The following ANKH variants were observed in gnomAD, a reference collection of about 807,000 sequenced individuals.
ANKH encodes ANKH inorganic pyrophosphate transport regulator.
In ANKH, 15 loss-of-function variants were observed where a neutral mutation model predicts 49.0. The observed-to-expected ratio is 0.31, with a 90% CI of 0.20 to 0.47. ANKH has a LOEUF of 0.47. Among genes scored for constraint, ANKH ranks in the 20% least tolerant of loss-of-function variants. The probability of loss-of-function intolerance (pLI) is 1.00; values close to 1 mark genes in which losing one functional copy is unlikely to be tolerated. For synonymous variants in ANKH, 273 were observed against 260.0 expected (o/e 1.05, Z -0.48); for missense variants, 429 against 652.0 (o/e 0.66, Z 3.72).
chr5:14,837,287 C>T (rs1359868044), intron 1 of ANKH, among the ~76,000 whole-genome samples: 2 of 152,118 alleles, frequency 1.3e-5, no homozygotes, highest in South Asian at 2.1e-4. Flanking sequence ...TCTAATTAAA[C>T]TAAAGAGCTT....
At chr5:14,816,823 T>C (rs988800600) in intron 1 of ANKH, among the ~76,000 whole-genome samples, 2 of 152,100 alleles carry the variant, frequency 1.3e-5, no homozygotes, top group Admixed American at 6.5e-5. Flanking sequence ...ATGAACACGA[T>C]GGCAAACAAA....
chr5:14,774,581 G>C (rs1279907087), intron 1 of ANKH, among the ~76,000 whole-genome samples: 7 of 152,086 alleles, frequency 4.6e-5, no homozygotes. Flanking sequence ...AGGATTACAG[G>C]CACCCACCAC....
chr5:14,774,439 T>C (rs771551494), intron 1 of ANKH, among the ~76,000 whole-genome samples: 1 of 152,100 alleles, frequency 6.6e-6, no homozygotes, highest in Non-Finnish European at 1.5e-5. Context: ...TTCATTATTA[T>C]TATTATTTTT....
At chr5:14,741,687 G>T (rs1738361108) in intron 8 of ANKH, 140 bp downstream of exon 8, 1 of 691,038 alleles carries the variant, frequency 1.4e-6, no homozygotes, top group South Asian at 1.7e-5. Flanking sequence ...ATTTGAAGAA[G>T]AAAGTGTATT....
chr5:14,858,514 G>A (rs1183134411), intron 1 of ANKH, among the ~76,000 whole-genome samples: 4 of 152,104 alleles, frequency 2.6e-5, no homozygotes, highest in South Asian at 2.1e-4. Flanking sequence ...TCAGGAGTTT[G>A]AGATAAGCCT....
chr5:14,845,615 T>C (rs187169954), intron 1 of ANKH, among the ~76,000 whole-genome samples: 1 of 152,138 alleles, frequency 6.6e-6, no homozygotes, highest in South Asian at 2.1e-4. Flanking sequence ...AGAAGAAACA[T>C]AGAGAGTGCT....
At chr5:14,840,483 C>T (rs550493490) in intron 1 of ANKH, among the ~76,000 whole-genome samples, 1 of 152,220 alleles carries the variant, frequency 6.6e-6, no homozygotes, top group South Asian at 2.1e-4. Context: ...AGAGCTCTAC[C>T]AAATTCTGAT....
At chr5:14,752,595 G>C (rs1434158016) in intron 4 of ANKH, among the ~76,000 whole-genome samples, 1 of 152,154 alleles carries the variant, frequency 6.6e-6, no homozygotes, top group Admixed American at 6.5e-5. Context: ...AGCATACTGA[G>C]AACAAAAGCA....
chr5:14,849,296 C>A (rs1218916562), intron 1 of ANKH, among the ~76,000 whole-genome samples: 1 of 152,176 alleles, frequency 6.6e-6, no homozygotes, highest in Non-Finnish European at 1.5e-5. Context: ...TATTTTTTGA[C>A]CACATTCTTT....
chr5:14,761,729 A>G (rs573896740), intron 2 of ANKH, among the ~76,000 whole-genome samples: 1 of 151,448 alleles, frequency 6.6e-6, no homozygotes, highest in Non-Finnish European at 1.5e-5. Context: ...CCGTCAAGCA[A>G]CTTCGTGTCA....
intron 8 of ANKH, among the ~76,000 whole-genome samples, chr5:14,717,903 A>G (rs1280851280): frequency 6.6e-6 from 1 of 152,164 alleles, no homozygotes; most frequent in Admixed American, 6.5e-5. Flanking sequence ...ATTTTGGAGC[A>G]TTTTGGATTT....
rs938939299 is a variant in ANKH, at chr5:14,725,708, G to A, written c.1012-8873C>T. ...TGAATTTTCCTCTTTGTATTTTTCC[G>A]TGGCTTCCACAAAGAACATGTATTC... On this transcript the variant is annotated intron_variant, in intron 8 of 11. Transcript: ENST00000284268. The surrounding 1 kb of genome is among the most constrained non-coding windows in gnomAD (Gnocchi z 4.0). Among the ~76,000 whole-genome samples, 7 of 152,168 alleles carry A rather than the reference G, an allele frequency of 4.6e-5. No individual in the cohort carries two copies. The highest frequency in any genetic ancestry group is 2.1e-4 in the South Asian group (1 of 4,826).
chr5:14,759,864 A>G (rs2448494), intron 2 of ANKH, among the ~76,000 whole-genome samples: 20 of 19,662 alleles, frequency 1.0e-3, no homozygotes, highest in African/African-American at 2.2e-3. Flanking sequence ...GGAAGGAAAG[A>G]GAAGGAAAGG....
In ANKH at chr5:14,708,314, T is replaced by C. The variant is rs1295884428; in HGVS notation, c.*2883A>G. 6.6e-6 allele frequency: 1 copy of C among 152,228 alleles called. No individual in the cohort carries two copies. Among genetic ancestry groups the C allele is most frequent in the Non-Finnish European group, 1.5e-5 (1 of 68,030 alleles). 9.4% of individuals were successfully genotyped at this position (152,228 alleles called of 1,614,324 possible). On this transcript the variant is annotated 3_prime_UTR_variant, in exon 12 of 12. Transcript: ENST00000284268. ...ACTTCATGGCCTTGTATTTTTAGAT[T>C]GTATTCATCCACAAGCAATCACTCA...
intron 1 of ANKH, among the ~76,000 whole-genome samples, chr5:14,830,060 A>C (rs1257623890): frequency 6.6e-6 from 1 of 152,216 alleles, no homozygotes; most frequent in Non-Finnish European, 1.5e-5. Context: ...GATGTGAAGA[A>C]AGTCCAGTGT....
rs903616617 is a variant in ANKH at position 14,762,042 on chromosome 5, G to A, written c.314-3444C>T. ...AGCCTCCCAAAGTGCTGGGATTATA[G>A]GCGTTAGTCACCGCACCCAGCCCCT... On this transcript the variant is annotated intron_variant, in intron 2 of 11. Coordinates refer to ENST00000284268, the MANE Select transcript of ANKH (RefSeq NM_054027.6). Among the ~76,000 whole-genome samples, 5 of 152,210 alleles carry A rather than the reference G, an allele frequency of 3.3e-5. No individual in the cohort carries two copies. In the East Asian group the frequency reaches 9.7e-4, roughly 29 times the overall value.
At position 14,706,483 on chromosome 5, in the gene ANKH, CTT is replaced by C. The variant is rs1439458985; in HGVS notation, c.*4712_*4713del. The stretch of plus-strand genomic sequence containing the variant: ...CAAGTTAATAGATTTAATGTCCACT[CTT>C]GAGAAGAAAATAAAGTCTAAACTTA... On this transcript the variant is annotated 3_prime_UTR_variant, in exon 12 of 12. Transcript: ENST00000284268. 6.6e-6 allele frequency: 1 copy of C among 152,188 alleles called. No homozygotes were observed. Among genetic ancestry groups the C allele is most frequent in the East Asian group, 1.9e-4 (1 of 5,204 alleles). 9.4% of individuals were successfully genotyped at this position (152,188 alleles called of 1,614,324 possible).
At chr5:14,818,724 C>T (rs1238935686) in intron 1 of ANKH, among the ~76,000 whole-genome samples, 1 of 151,214 alleles carries the variant, frequency 6.6e-6, no homozygotes, top group Non-Finnish European at 1.5e-5. Context: ...GGCTTCCACA[C>T]CACCCCTAGT....
chr5:14,771,935 A>AC (rs58228373), intron 1 of ANKH, among the ~76,000 whole-genome samples: 20,180 of 145,018 alleles, frequency 0.14, 2,112 homozygotes, highest in Middle Eastern at 0.23. Context: ...AAAAAAAAAA[A>AC]AAAAAAAAAA....
Sources: gnomAD v4.1 joint callset for allele counts (sites outside exome capture counted in the v4.1 genomes callset) on GRCh38, gnomAD v4.1.1 for gene constraint, Gnocchi (gnomAD v3.1) non-coding constraint, MANE v1.5 for transcripts, NCBI Gene and HGNC (gene_info 2026-07-23, HGNC 2026-07-21) for gene names.